Variants in ANKS1B observed in about 807,000 individuals in gnomAD.
ANKS1B encodes ankyrin repeat and sterile alpha motif domain-containing protein 1B.
A neutral mutation model predicts 148.3 loss-of-function variants in ANKS1B; 36 were observed. The observed-to-expected ratio is 0.24, with a 90% CI of 0.19 to 0.32. ANKS1B has a LOEUF of 0.32. Among genes scored for constraint, ANKS1B ranks in the 10% least tolerant of loss-of-function variants. ANKS1B has a pLI of 1.00. For synonymous variants in ANKS1B, 542 were observed against 560.8 expected, an observed-to-expected ratio of 0.97 and a Z score of 0.47; for missense variants, 1,157 against 1,542.6, an observed-to-expected ratio of 0.75 and a Z score of 4.19.
At chr12:98,789,642 TA>T (rs1356053936) in intron 22 of ANKS1B, among the ~76,000 whole-genome samples, 3 of 152,226 alleles carry the variant, frequency 2.0e-5, no homozygotes, top group Admixed American at 6.5e-5. Context: ...TCTAAGGAAA[TA>T]ATCAAACCAA....
At chr12:98,975,292 A>C (rs1309613016) in intron 17 of ANKS1B, among the ~76,000 whole-genome samples, 1,192 of 64,994 alleles carry the variant, frequency 0.018, no homozygotes, top group Middle Eastern at 0.034. Context: ...TTTTTTCTCT[A>C]CCTCCCTCCC....
intron 11 of ANKS1B, among the ~76,000 whole-genome samples, chr12:99,434,508 T>C (rs553500556): frequency 6.6e-6 from 1 of 152,282 alleles, no homozygotes; most frequent in South Asian, 2.1e-4. Context: ...AATATTTCAA[T>C]AATGAACATC....
At chr12:98,928,588 C>A (rs2099810923) in intron 17 of ANKS1B, among the ~76,000 whole-genome samples, 1 of 151,946 alleles carries the variant, frequency 6.6e-6, no homozygotes, top group Admixed American at 6.6e-5. Context: ...TAACCATGAT[C>A]AAGTGGGATG....
intron 17 of ANKS1B, among the ~76,000 whole-genome samples, chr12:99,042,667 A>T (rs1477417750): frequency 6.6e-6 from 1 of 152,252 alleles, no homozygotes; most frequent in Non-Finnish European, 1.5e-5. Context: ...TTAAGCAAAA[A>T]ATTGAATGCT....
chr12:99,115,932 CAAA>C (rs60585792), intron 15 of ANKS1B, among the ~76,000 whole-genome samples: 17 of 65,038 alleles, frequency 2.6e-4, no homozygotes, highest in South Asian at 5.1e-4. Flanking sequence ...GACTCCGTCT[CAAA>C]AAAAAAAAAA....
At chr12:99,114,011 T>C (rs1453870217) in intron 15 of ANKS1B, among the ~76,000 whole-genome samples, 1 of 152,200 alleles carries the variant, frequency 6.6e-6, no homozygotes, top group African/African-American at 2.4e-5. Flanking sequence ...GTATTCCTAG[T>C]TAGTGGAGTA....
chr12:99,466,816 G>T (rs1251311376), intron 10 of ANKS1B, among the ~76,000 whole-genome samples: 2 of 151,704 alleles, frequency 1.3e-5, no homozygotes, highest in Admixed American at 1.3e-4. Flanking sequence ...CAACCAAAAA[G>T]AGTCCAGGAC....
At chr12:98,766,284 G>A (rs2098479383) in intron 25 of ANKS1B, among the ~76,000 whole-genome samples, 1 of 152,048 alleles carries the variant, frequency 6.6e-6, no homozygotes, top group Middle Eastern at 3.4e-3. Flanking sequence ...TTTGGGAGGT[G>A]GTGGTGTTAG....
chr12:99,873,662 T>C (rs191450788), intron 1 of ANKS1B, among the ~76,000 whole-genome samples: 1 of 152,194 alleles, frequency 6.6e-6, no homozygotes, highest in Non-Finnish European at 1.5e-5. Context: ...AAATCTCTGT[T>C]ATTGTGATGG....
chr12:99,188,465 T>C (rs2080186743), intron 14 of ANKS1B, among the ~76,000 whole-genome samples: 1 of 152,086 alleles, frequency 6.6e-6, no homozygotes, highest in African/African-American at 2.4e-5. Context: ...CCTCAGCAAA[T>C]GCAAAAGAAC....
At chr12:99,934,401 G>A (rs1044922868) in intron 1 of ANKS1B, among the ~76,000 whole-genome samples, 1 of 151,940 alleles carries the variant, frequency 6.6e-6, no homozygotes, top group African/African-American at 2.4e-5. Context: ...TTGGATCCTC[G>A]GCTTCTCTTT....
intron 17 of ANKS1B, among the ~76,000 whole-genome samples, chr12:99,028,534 G>T (rs987505432): frequency 6.6e-6 from 1 of 152,164 alleles, no homozygotes; most frequent in Admixed American, 6.5e-5. Context: ...GATCCAGATG[G>T]CAGAGAGGTG....
chr12:99,056,866 G>T (rs1231844487), intron 16 of ANKS1B, among the ~76,000 whole-genome samples: 2 of 152,130 alleles, frequency 1.3e-5, no homozygotes, highest in African/African-American at 4.8e-5. Flanking sequence ...CTAACCATTT[G>T]TAGGACATCT....
chr12:98,962,393 T>C (rs1438970910), intron 17 of ANKS1B, among the ~76,000 whole-genome samples: 2 of 148,810 alleles, frequency 1.3e-5, no homozygotes, highest in Admixed American at 6.7e-5. Context: ...AACAATTATA[T>C]ATATATATAA....
At chr12:99,879,482 T>C (rs946992470) in intron 1 of ANKS1B, among the ~76,000 whole-genome samples, 1 of 152,214 alleles carries the variant, frequency 6.6e-6, no homozygotes, top group African/African-American at 2.4e-5. Flanking sequence ...ACAATTCTTT[T>C]GTTTGTATGC....
At chr12:99,135,361 A>C (rs2067662227) in intron 15 of ANKS1B, among the ~76,000 whole-genome samples, 1 of 152,222 alleles carries the variant, frequency 6.6e-6, no homozygotes, top group Non-Finnish European at 1.5e-5. Flanking sequence ...AAATGATCAA[A>C]GAAATAATAG....
At chr12:99,744,948 C>A (rs1399798306) in intron 8 of ANKS1B, among the ~76,000 whole-genome samples, 10 of 136,214 alleles carry the variant, frequency 7.3e-5, no homozygotes, top group Non-Finnish European at 6.1e-5. Context: ...GCCAAGATTG[C>A]GCCACTGCAC....
At chr12:99,325,286 T>A (rs1478926773) in intron 12 of ANKS1B, among the ~76,000 whole-genome samples, 2 of 152,082 alleles carry the variant, frequency 1.3e-5, no homozygotes, top group African/African-American at 2.4e-5. Flanking sequence ...CTGCTAAAAT[T>A]GAGGCAAGAA....
intron 17 of ANKS1B, among the ~76,000 whole-genome samples, chr12:99,005,384 C>T (rs1179897651): frequency 6.6e-6 from 1 of 152,196 alleles, no homozygotes; most frequent in Non-Finnish European, 1.5e-5. Flanking sequence ...TCTGAGGAGG[C>T]TCAGTGCATT....
Sources: gnomAD v4.1 joint callset for allele counts (sites outside exome capture counted in the v4.1 genomes callset) on GRCh38, gnomAD v4.1.1 for gene constraint, MANE v1.5 for transcripts, NCBI Gene and HGNC (gene_info 2026-07-23, HGNC 2026-07-21) for gene names.